Variants in MYRIP observed in about 807,000 individuals in gnomAD.
MYRIP encodes the protein rab effector MyRIP.
Under a neutral mutation model 98.0 loss-of-function variants are expected in MYRIP, and 49 were observed. That is an observed-to-expected ratio of 0.50 (90% CI 0.40 to 0.63). The LOEUF is 0.63. Ranked by LOEUF, MYRIP falls within the 30% of genes least tolerant of loss-of-function variation. The probability of loss-of-function intolerance (pLI) is 0.00; values close to 1 mark genes in which losing one functional copy is unlikely to be tolerated. For synonymous variants in MYRIP, 404 were observed against 409.5 expected (o/e 0.99, Z 0.16); for missense variants, 1,004 against 1,058.2 (o/e 0.95, Z 0.71).
intron 1 of MYRIP, among the ~76,000 whole-genome samples, chr3:39,837,445 T>G (rs1941660913): frequency 6.6e-6 from 1 of 152,226 alleles, no homozygotes; most frequent in Non-Finnish European, 1.5e-5. Context: ...GCTCGTCAGT[T>G]TTCCTAACAC....
intron 4 of MYRIP, among the ~76,000 whole-genome samples, chr3:40,155,933 T>G (rs1950225192): frequency 6.6e-6 from 1 of 152,002 alleles, no homozygotes; most frequent in Admixed American, 6.6e-5. Context: ...TTTCTCCCAT[T>G]TTGTAGGTTG....
intron 2 of MYRIP, among the ~76,000 whole-genome samples, chr3:39,996,001 C>G (rs910852902): frequency 1.5e-4 from 23 of 152,290 alleles, no homozygotes; most frequent in Admixed American, 9.1e-4. Context: ...CTGTCACCAC[C>G]AGGCCTGCCA....
At chr3:40,073,274 AG>A (rs1385226650) in intron 3 of MYRIP, among the ~76,000 whole-genome samples, 4 of 152,286 alleles carry the variant, frequency 2.6e-5, no homozygotes, top group Non-Finnish European at 4.4e-5. Context: ...AGTAAGCAAA[AG>A]GTTTATTAAG....
chr3:39,835,382 A>G (rs1372473876), intron 1 of MYRIP, among the ~76,000 whole-genome samples: 2 of 152,104 alleles, frequency 1.3e-5, no homozygotes, highest in African/African-American at 4.8e-5. Flanking sequence ...GAGGGTGGGG[A>G]ACCAGCTGAA....
At chr3:40,130,400 C>T (rs188854610) in intron 3 of MYRIP, among the ~76,000 whole-genome samples, 3,220 of 140,468 alleles carry the variant, frequency 0.023, 45 homozygotes, top group Non-Finnish European at 0.032. Context: ...TTTTTTGAGA[C>T]GGAGTCTCGC....
At position 40,233,974 on chromosome 3, in the gene MYRIP, C is replaced by G. The variant is rs1559468646; in HGVS notation, c.2021C>G (p.Pro674Arg). ...CCCTGGGAGTCCCCACAAGTCCCTC[C>G]TGACAGACAGAAGGGGATGTTTCCT... ...TGPWESPQVP[P>R]DRQKGMFPRG... The change falls in exon 12 of 17, where the codon CCT becomes CGT. Residue 674 changes from proline (P) to arginine (R), a missense_variant. Pro to Arg is a moderately radical substitution (Grantham distance 103). This residue lies in a region of MYRIP where 880 missense variants were observed against 907.7 expected (regional missense o/e 0.97). Coordinates refer to ENST00000302541, the MANE Select transcript of MYRIP (RefSeq NM_015460.4). 9 of 1,613,606 alleles carry G rather than the reference C, an allele frequency of 5.6e-6. No individual in the cohort carries two copies. Among genetic ancestry groups the G allele is most frequent in the Middle Eastern group, 1.7e-4 (1 of 6,060 alleles).
chr3:39,878,048 G>A lies in MYRIP; in HGVS notation c.-30-22739G>A, dbSNP rs537632339. 9.2e-5 allele frequency among the ~76,000 whole-genome samples: 14 copies of A among 152,370 alleles called. No homozygotes were observed. In the East Asian group the frequency reaches 2.1e-3, roughly 23 times the overall value. ...GTTTACCTAAGCAAGCCTGGGCAATGGCAGGCGCCCCTCCCCCAGCCTCGC... is the reference window on the plus strand; with the variant it reads ...GTTTACCTAAGCAAGCCTGGGCAATAGCAGGCGCCCCTCCCCCAGCCTCGC... On this transcript the variant is annotated intron_variant, in intron 1 of 16. Coordinates refer to ENST00000302541, the MANE Select transcript of MYRIP (RefSeq NM_015460.4).
intron 3 of MYRIP, among the ~76,000 whole-genome samples, chr3:40,078,348 G>A (rs1948401043): frequency 6.6e-6 from 1 of 152,206 alleles, no homozygotes; most frequent in Non-Finnish European, 1.5e-5. Flanking sequence ...GCCTTGGCCA[G>A]CCCAGAAAGA....
At chr3:40,153,755 A>G (rs1013679190) in intron 4 of MYRIP, among the ~76,000 whole-genome samples, 1 of 152,204 alleles carries the variant, frequency 6.6e-6, no homozygotes, top group African/African-American at 2.4e-5. Flanking sequence ...TGCAGTGCAC[A>G]AGGCATGTGC....
At chr3:39,931,144 T>A (rs1201193787) in intron 2 of MYRIP, among the ~76,000 whole-genome samples, 1 of 152,124 alleles carries the variant, frequency 6.6e-6, no homozygotes, top group African/African-American at 2.4e-5. Flanking sequence ...ATTTTATTAT[T>A]GAATAATAAG....
chr3:40,051,788 C>T (rs1028524381), intron 3 of MYRIP, among the ~76,000 whole-genome samples: 5 of 152,150 alleles, frequency 3.3e-5, no homozygotes, highest in African/African-American at 1.2e-4. Flanking sequence ...GTATTATTTA[C>T]TTCTATCTAG....
At chr3:40,014,181 C>T (rs1366015101) in intron 2 of MYRIP, among the ~76,000 whole-genome samples, 1 of 152,112 alleles carries the variant, frequency 6.6e-6, no homozygotes, top group Non-Finnish European at 1.5e-5. Flanking sequence ...GCCATTTCTA[C>T]CCATATAAAC....
chr3:39,851,812 G>A (rs989718909), intron 1 of MYRIP, among the ~76,000 whole-genome samples: 2 of 152,040 alleles, frequency 1.3e-5, no homozygotes, highest in African/African-American at 4.8e-5. Flanking sequence ...TTCAAATAGA[G>A]GTCAAAATGC....
chr3:39,983,546 T>G (rs1030932876), intron 2 of MYRIP, among the ~76,000 whole-genome samples: 4 of 152,206 alleles, frequency 2.6e-5, no homozygotes, highest in African/African-American at 9.6e-5. Context: ...TGATCTATTC[T>G]ATTTACTTAT....
intron 1 of MYRIP, among the ~76,000 whole-genome samples, chr3:39,888,483 A>C (rs546461362): frequency 6.6e-6 from 1 of 152,296 alleles, no homozygotes; most frequent in South Asian, 2.1e-4. Context: ...CATATGTAGA[A>C]AGCTGAAACT....
chr3:39,846,124 T>C (rs930885812), intron 1 of MYRIP, among the ~76,000 whole-genome samples: 1 of 152,188 alleles, frequency 6.6e-6, no homozygotes, highest in Admixed American at 6.5e-5. Context: ...GCATAGAAGT[T>C]GGAAGAGTTC....
At chr3:40,133,158 T>G (rs1194618569) in intron 3 of MYRIP, among the ~76,000 whole-genome samples, 1 of 152,190 alleles carries the variant, frequency 6.6e-6, no homozygotes. Flanking sequence ...ACAACAACAG[T>G]GCAGGGCAGG....
At chr3:40,213,862 G>A (rs1952036781) in intron 11 of MYRIP, among the ~76,000 whole-genome samples, 1 of 152,190 alleles carries the variant, frequency 6.6e-6, no homozygotes, top group South Asian at 2.1e-4. Flanking sequence ...AGTGACTGAT[G>A]GGAAGGGTGT....
At chr3:40,233,778 G>A in intron 11 of MYRIP, 81 bp from the exon 12 acceptor site, 2 of 1,303,728 alleles carry the variant, frequency 1.5e-6, no homozygotes, top group Non-Finnish European at 2.2e-6. Flanking sequence ...GATGATGAGT[G>A]TCATGATAAC....
Sources: allele counts gnomAD v4.1 joint callset (sites outside exome capture counted in the v4.1 genomes callset), GRCh38; gene constraint gnomAD v4.1.1; regional missense constraint gnomAD v4.1.1; transcripts MANE v1.5; gene names NCBI Gene and HGNC (gene_info 2026-07-23, HGNC 2026-07-21).